Variants in KCNS3 observed in about 807,000 individuals in gnomAD.
The protein encoded by KCNS3 is delayed-rectifier potassium channel regulatory subunit KCNS3.
Under a neutral mutation model 31.0 loss-of-function variants are expected in KCNS3, and 13 were observed. The observed-to-expected ratio is 0.42, with a 90% CI of 0.27 to 0.67. The LOEUF (loss-of-function observed/expected upper bound fraction) is 0.67. Ranked by LOEUF, KCNS3 falls within the 30% of genes least tolerant of loss-of-function variation. The pLI, the probability that KCNS3 is intolerant of heterozygous loss-of-function variation, is 0.25. For synonymous variants in KCNS3, 238 were observed against 241.5 expected (o/e 0.99, Z 0.13); for missense variants, 545 against 622.4 (o/e 0.88, Z 1.32).
chr2:17,892,707 C>T lies in KCNS3; in HGVS notation c.-252+13901C>T, dbSNP rs577466360. Among the ~76,000 whole-genome samples, 157 of 152,228 alleles carry T rather than the reference C, an allele frequency of 1.0e-3. 1 individual carries two copies. Among genetic ancestry groups the T allele is most frequent in the East Asian group, 6.0e-3 (31 of 5,170 alleles). ...AACTGCAGTGATTGTTGTCTCTTTT[C>T]TGGGTCTAGCCACCCAGCGAGTCTG... On this transcript the variant is annotated intron_variant, in intron 1 of 2. Transcript: ENST00000304101.
intron 1 of KCNS3, among the ~76,000 whole-genome samples, chr2:17,908,098 A>G (rs2125243936): frequency 6.6e-6 from 1 of 152,302 alleles, no homozygotes. Flanking sequence ...TAGGTACACC[A>G]ATCAGACGTA....
intron 2 of KCNS3, among the ~76,000 whole-genome samples, chr2:17,923,233 CT>C: frequency 6.6e-6 from 1 of 152,262 alleles, no homozygotes; most frequent in Admixed American, 6.5e-5. Context: ...TGTTGAGCAT[CT>C]TTTCAAGTAC....
At chr2:17,916,867 T>C (rs1333529054) in intron 1 of KCNS3, among the ~76,000 whole-genome samples, 1 of 152,010 alleles carries the variant, frequency 6.6e-6, no homozygotes, top group Non-Finnish European at 1.5e-5. Flanking sequence ...TTTCTTCTTC[T>C]TCTTTTTTTT....
chr2:17,905,664 G>C (rs1662296422), intron 1 of KCNS3, among the ~76,000 whole-genome samples: 1 of 152,170 alleles, frequency 6.6e-6, no homozygotes, highest in African/African-American at 2.4e-5. Flanking sequence ...AGAGTTTTTA[G>C]CATGAAGGGC....
intron 1 of KCNS3, among the ~76,000 whole-genome samples, chr2:17,908,795 G>T (rs1662399641): frequency 1.3e-5 from 2 of 152,218 alleles, no homozygotes; most frequent in Admixed American, 1.3e-4. Context: ...AACAGCAAAT[G>T]TTGCTGCCTG....
chr2:17,887,484 G>GATCTGTCT (rs1553341249), intron 1 of KCNS3, among the ~76,000 whole-genome samples: 1 of 146,242 alleles, frequency 6.8e-6, no homozygotes, highest in Non-Finnish European at 1.5e-5. Context: ...TCTATCATAT[G>GATCTGTCT]ATCTATCTAT....
intron 1 of KCNS3, among the ~76,000 whole-genome samples, chr2:17,896,492 T>C (rs1266302533): frequency 1.3e-5 from 2 of 151,980 alleles, no homozygotes; most frequent in Non-Finnish European, 2.9e-5. Context: ...GTCACCCAGA[T>C]AGTTAATTGG....
At chr2:17,893,920 T>A (rs1436839276) in intron 1 of KCNS3, among the ~76,000 whole-genome samples, 1 of 146,328 alleles carries the variant, frequency 6.8e-6, no homozygotes, top group African/African-American at 2.5e-5. Context: ...TCCTCCCCTC[T>A]GCCATGATCC....
rs578130223 is a variant in KCNS3, at chr2:17,932,745, G to A, written c.*261G>A. 48 of 366,158 alleles carry A rather than the reference G, an allele frequency of 1.3e-4. No individual in the cohort carries two copies. Among genetic ancestry groups the A allele is most frequent in the Admixed American group, 3.6e-4 (8 of 22,106 alleles). 22.7% of individuals were successfully genotyped at this position (366,158 alleles called of 1,614,324 possible). ...TTGGAATATAAGATAAATGGTATTG[G>A]GTGGGGTTTGTGGCTACAGCTTATG... On this transcript the variant is annotated 3_prime_UTR_variant, in exon 3 of 3. Transcript: ENST00000304101.
At chr2:17,902,742 T>C (rs780287996) in intron 1 of KCNS3, among the ~76,000 whole-genome samples, 7 of 152,198 alleles carry the variant, frequency 4.6e-5, no homozygotes, top group Non-Finnish European at 1.0e-4. Flanking sequence ...GTACACTTAC[T>C]CATGAGTGTG....
At chr2:17,912,561 C>T (rs377306645) in intron 1 of KCNS3, among the ~76,000 whole-genome samples, 4 of 152,234 alleles carry the variant, frequency 2.6e-5, no homozygotes, top group Non-Finnish European at 4.4e-5. Context: ...CGCAGGGAAG[C>T]GCCTGGTCTG....
intron 1 of KCNS3, among the ~76,000 whole-genome samples, chr2:17,907,263 CAG>C (rs1662345688): frequency 2.6e-5 from 4 of 152,176 alleles, no homozygotes; most frequent in Non-Finnish European, 5.9e-5. Flanking sequence ...TCTGTTTTAT[CAG>C]AGACTAGGAT....
At chr2:17,907,236 TC>T (rs1195303054) in intron 1 of KCNS3, among the ~76,000 whole-genome samples, 3 of 152,236 alleles carry the variant, frequency 2.0e-5, no homozygotes, top group African/African-American at 7.2e-5. Context: ...TCTCTTTTGA[TC>T]TTTGTTGGTT....
chr2:17,929,217 G>A (rs1014186562), intron 2 of KCNS3, among the ~76,000 whole-genome samples: 7 of 152,190 alleles, frequency 4.6e-5, no homozygotes, highest in African/African-American at 1.7e-4. Context: ...TGGTGTGTTA[G>A]TCTGTTCTCA....
intron 1 of KCNS3, among the ~76,000 whole-genome samples, chr2:17,900,755 G>A (rs1662154971): frequency 1.3e-5 from 2 of 152,146 alleles, no homozygotes; most frequent in Admixed American, 6.5e-5. Flanking sequence ...CTCCTAAAGT[G>A]CTGGGATTAC....
chr2:17,897,183 A>G (rs2125237929), intron 1 of KCNS3, among the ~76,000 whole-genome samples: 1 of 152,306 alleles, frequency 6.6e-6, no homozygotes, highest in African/African-American at 2.4e-5. Flanking sequence ...TCTTAGGATA[A>G]TGGCCTTTAG....
chr2:17,902,468 A>G (rs1662201710), intron 1 of KCNS3, among the ~76,000 whole-genome samples: 1 of 152,152 alleles, frequency 6.6e-6, no homozygotes, highest in African/African-American at 2.4e-5. Context: ...GATAAGAATT[A>G]CAAAAGGTCT....
At chr2:17,906,351 T>C (rs1259396774) in intron 1 of KCNS3, among the ~76,000 whole-genome samples, 1 of 152,184 alleles carries the variant, frequency 6.6e-6, no homozygotes, top group Non-Finnish European at 1.5e-5. Flanking sequence ...TCTTCTCTCT[T>C]TTCTTCTTTA....
At chr2:17,891,347 C>T (rs1257480323) in intron 1 of KCNS3, among the ~76,000 whole-genome samples, 4 of 152,108 alleles carry the variant, frequency 2.6e-5, no homozygotes. Flanking sequence ...TTGGTGAATT[C>T]TTATTCAGTT....
Sources: allele counts gnomAD v4.1 joint callset (sites outside exome capture counted in the v4.1 genomes callset), GRCh38; gene constraint gnomAD v4.1.1; transcripts MANE v1.5; gene names NCBI Gene and HGNC (gene_info 2026-07-23, HGNC 2026-07-21).